Variants in EVL observed in about 807,000 individuals in gnomAD.
EVL encodes Enah/Vasp-like.
Under a neutral mutation model 59.6 loss-of-function variants are expected in EVL, and 21 were observed. That is an observed-to-expected ratio of 0.35 (90% CI 0.25 to 0.51). The LOEUF (loss-of-function observed/expected upper bound fraction) is 0.51, where lower values mean the gene tolerates loss of function less well. Ranked by LOEUF, EVL falls within the 20% of genes least tolerant of loss-of-function variation. The probability of loss-of-function intolerance (pLI) is 0.97; values close to 1 mark genes in which losing one functional copy is unlikely to be tolerated. For missense variants in EVL, 462 were observed against 546.6 expected (o/e 0.85, Z 1.54); for synonymous variants, 198 against 203.5 (o/e 0.97, Z 0.23).
Position 100,030,154 on chromosome 14 carries a change from G to A in EVL, c.6-54533G>A, listed in dbSNP as rs1385724415. Among the ~76,000 whole-genome samples the A allele has an allele frequency of 5.3e-5, 8 of 150,466 alleles. No individual in the cohort carries two copies. The East Asian group carries it at 9.8e-4, about 18-fold the overall frequency. Reference sequence around the variant, plus strand: ...GTTGCCCAGGCTGGGGTACAGTGGCGCAATCTCAGCTCACTGCAACCTCCG... The same window carrying A: ...GTTGCCCAGGCTGGGGTACAGTGGCACAATCTCAGCTCACTGCAACCTCCG... On this transcript the variant is annotated intron_variant, in intron 1 of 13. Transcript: ENST00000402714.
chr14:100,074,130 C>G (rs986322126), intron 1 of EVL, among the ~76,000 whole-genome samples: 34 of 152,300 alleles, frequency 2.2e-4, no homozygotes, highest in African/African-American at 7.5e-4. Context: ...TCAGTGACCT[C>G]CACAGTTGAT....
intron 1 of EVL, among the ~76,000 whole-genome samples, chr14:100,083,370 C>CT (rs1191794062): frequency 3.9e-5 from 6 of 151,978 alleles, no homozygotes; most frequent in South Asian, 2.1e-4. Flanking sequence ...ACAGTTTACT[C>CT]TATCTTTTTT....
intron 1 of EVL, among the ~76,000 whole-genome samples, chr14:100,004,054 A>C (rs1287441124): frequency 6.6e-6 from 1 of 152,228 alleles, no homozygotes; most frequent in Non-Finnish European, 1.5e-5. Flanking sequence ...GAATACAAAA[A>C]TTAGCTGCAT....
chr14:100,047,118 C>CTTTTTTTTTT (rs869205625), intron 1 of EVL, among the ~76,000 whole-genome samples: 286 of 23,786 alleles, frequency 0.012, 11 homozygotes, highest in African/African-American at 0.038. Context: ...ATCTCTCTCT[C>CTTTTTTTTTT]TTTTTTTTTT....
At chr14:99,999,821 T>C (rs1004988359) in intron 1 of EVL, among the ~76,000 whole-genome samples, 3 of 152,152 alleles carry the variant, frequency 2.0e-5, no homozygotes, top group African/African-American at 7.2e-5. Context: ...CACAAAAGTT[T>C]GTGTTTTCTG....
intron 3 of EVL, among the ~76,000 whole-genome samples, chr14:100,120,747 T>C (rs992928158): frequency 6.6e-6 from 1 of 152,150 alleles, no homozygotes. Context: ...AAACCTTGAA[T>C]CTTATTCAAT....
At chr14:99,991,942 A>G (rs2140178560) in intron 1 of EVL, among the ~76,000 whole-genome samples, 1 of 140,536 alleles carries the variant, frequency 7.1e-6, no homozygotes, top group South Asian at 2.4e-4. Flanking sequence ...TAACCCCTGC[A>G]TTGTTTGAGG....
intron 1 of EVL, among the ~76,000 whole-genome samples, chr14:100,020,728 T>A (rs1418492505): frequency 6.6e-6 from 1 of 151,828 alleles, no homozygotes; most frequent in African/African-American, 2.4e-5. Context: ...GTCAAGGGAG[T>A]AGATAAGAGG....
At chr14:100,126,454 G>T (rs369119116) in intron 4 of EVL, among the ~76,000 whole-genome samples, 258 of 152,326 alleles carry the variant, frequency 1.7e-3, no homozygotes, top group African/African-American at 6.0e-3. Flanking sequence ...GAATCACACT[G>T]GCCTTCCATA....
chr14:100,019,735 C>A, intron 1 of EVL: 1 of 1,518,836 alleles, frequency 6.6e-7, no homozygotes, highest in Non-Finnish European at 8.8e-7. Context: ...TTTTTGTTCT[C>A]GCTAGGTTTT....
At chr14:100,072,028 C>T (rs1048675653) in intron 1 of EVL, among the ~76,000 whole-genome samples, 4 of 152,146 alleles carry the variant, frequency 2.6e-5, no homozygotes, top group Admixed American at 1.3e-4. Context: ...CTGGCAGTCA[C>T]CTCTTAACCA....
intron 1 of EVL, among the ~76,000 whole-genome samples, chr14:100,023,416 G>A (rs991169860): frequency 9.1e-6 from 1 of 110,106 alleles, no homozygotes; most frequent in African/African-American, 3.7e-5. Flanking sequence ...TTTCGCTCTT[G>A]TCTCGGGCTC....
intron 1 of EVL, among the ~76,000 whole-genome samples, chr14:100,051,431 TG>T (rs1276872454): frequency 6.6e-6 from 1 of 152,262 alleles, no homozygotes; most frequent in African/African-American, 2.4e-5. Context: ...AGGTGACTTC[TG>T]TATAATATTC....
At chr14:100,107,672 C>A (rs1186142793) in intron 3 of EVL, 7 of 168,154 alleles carry the variant, frequency 4.2e-5, no homozygotes, top group South Asian at 2.1e-4. Context: ...TGTTTCTTCG[C>A]ATTTGGTTCT....
intron 1 of EVL, among the ~76,000 whole-genome samples, chr14:100,079,721 G>A (rs558824575): frequency 1.5e-3 from 230 of 152,278 alleles, no homozygotes; most frequent in Middle Eastern, 6.8e-3. Context: ...ACAGGGCTAG[G>A]ATGGCGTGTC....
At chr14:100,046,588 G>A (rs1236015989) in intron 1 of EVL, among the ~76,000 whole-genome samples, 1 of 151,660 alleles carries the variant, frequency 6.6e-6, no homozygotes, top group African/African-American at 2.4e-5. Context: ...GGTTGCTTGA[G>A]CCTGGGAGGC....
chr14:100,047,152 C>T (rs866111390), intron 1 of EVL, among the ~76,000 whole-genome samples: 1 of 83,456 alleles, frequency 1.2e-5, no homozygotes, highest in Non-Finnish European at 2.3e-5. Flanking sequence ...TTTTACCTGA[C>T]CCCAGTTTCT....
rs537547019 is a variant in EVL at position 99,981,793 on chromosome 14, A to G, written c.5+9736A>G. Among the ~76,000 whole-genome samples the G allele has an allele frequency of 3.3e-5, 5 of 152,360 alleles. No homozygotes were observed. The South Asian group carries it at 1.0e-3, about 32-fold the overall frequency. ...AATGCTAGCAAAGTGAGCATAGGGTATTGGAAAAAATGATGTCAATAGATT... is the reference window on the plus strand; with the variant it reads ...AATGCTAGCAAAGTGAGCATAGGGTGTTGGAAAAAATGATGTCAATAGATT... On this transcript the variant is annotated intron_variant, in intron 1 of 13. Transcript: ENST00000402714.
intron 8 of EVL, chr14:100,134,951 T>C (rs1016690600): frequency 2.0e-5 from 3 of 152,238 alleles, no homozygotes; most frequent in Non-Finnish European, 4.4e-5. Flanking sequence ...TAACTTCCCT[T>C]TTAAGCAGGG....
Sources: allele counts gnomAD v4.1 joint callset (sites outside exome capture counted in the v4.1 genomes callset), GRCh38; gene constraint gnomAD v4.1.1; transcripts MANE v1.5; gene names NCBI Gene and HGNC (gene_info 2026-07-23, HGNC 2026-07-21).